SETDB1: variants seen among roughly 807,000 people sequenced by gnomAD.
SETDB1 encodes the protein SET domain bifurcated histone lysine methyltransferase 1, also known as histone-lysine N-methyltransferase SETDB1.
A neutral mutation model predicts 137.4 loss-of-function variants in SETDB1; 31 were observed. That is an observed-to-expected ratio of 0.23 (90% CI 0.17 to 0.30). The LOEUF (loss-of-function observed/expected upper bound fraction) is 0.30, where lower values mean the gene tolerates loss of function less well. SETDB1 is among the 10% of genes least tolerant of loss of function. The probability of loss-of-function intolerance (pLI) is 1.00; values close to 1 mark genes in which losing one functional copy is unlikely to be tolerated. For missense variants in SETDB1, 1,113 were observed against 1,631.5 expected, an observed-to-expected ratio of 0.68 and a Z score of 5.47; for synonymous variants, 548 against 579.9, an observed-to-expected ratio of 0.95 and a Z score of 0.79.
chr1:150,949,330 C>T (rs994146167), intron 11 of SETDB1, 37 bp from the exon 12 acceptor site: 3 of 1,612,890 alleles, frequency 1.9e-6, no homozygotes, highest in Admixed American at 1.7e-5. Flanking sequence ...ATATTTTCCA[C>T]ATCCCTTACT....
At chr1:150,961,370 T>G in intron 16 of SETDB1, 179 bp downstream of exon 16, 1 of 661,040 alleles carries the variant, frequency 1.5e-6, no homozygotes, top group South Asian at 1.9e-5. Context: ...ACCAAATTAT[T>G]GACCGGGCAC....
Position 150,929,961 on chromosome 1 carries a change from T to A in SETDB1, c.261-6T>A, listed in dbSNP as rs1669673377. Reference sequence around the variant, plus strand: ...TTGACCTTTTCTGCATGTGTTCCAATATTAGGGCAGTGACTAATTGTGAGT... The same window carrying A: ...TTGACCTTTTCTGCATGTGTTCCAAAATTAGGGCAGTGACTAATTGTGAGT... On this transcript the variant is annotated splice_region_variant and splice_polypyrimidine_tract_variant and intron_variant, in intron 2 of 21. Transcript: ENST00000692827. 6.2e-7 allele frequency: 1 copy of A among 1,612,234 alleles called. No homozygotes were observed. The highest frequency in any genetic ancestry group is 1.7e-5 in the Admixed American group (1 of 59,504).
In SETDB1 at chr1:150,939,931, C is replaced by T. The variant is rs193278801; in HGVS notation, c.413-9C>T. ...CTCTGACACTCATTAGAGTTCTTCT[C>T]GTCCATAGGTGATGCTGGGAGCAGA... On this transcript the variant is annotated splice_polypyrimidine_tract_variant and intron_variant, in intron 3 of 21. Coordinates refer to ENST00000692827, the MANE Select transcript of SETDB1 (RefSeq NM_001366418.1). 7.7e-4 allele frequency: 1,234 copies of T among 1,609,220 alleles called. No individual in the cohort carries two copies. The highest frequency in any genetic ancestry group is 9.7e-4 in the Non-Finnish European group (1,137 of 1,176,646).
chr1:150,940,196 AGT>A (rs749822410), intron 4 of SETDB1, among the ~76,000 whole-genome samples: 5 of 152,186 alleles, frequency 3.3e-5, no homozygotes, highest in Non-Finnish European at 4.4e-5. Flanking sequence ...GGAATTTAGC[AGT>A]GTTTGCTAGG....
intron 3 of SETDB1, among the ~76,000 whole-genome samples, chr1:150,933,932 C>T (rs587653696): frequency 2.6e-5 from 4 of 151,356 alleles, no homozygotes; most frequent in Admixed American, 6.6e-5. Context: ...TACAGGCATG[C>T]ACCACCATGC....
chr1:150,954,223 A>G (rs1670580167), intron 14 of SETDB1, among the ~76,000 whole-genome samples: 1 of 152,144 alleles, frequency 6.6e-6, no homozygotes, highest in Admixed American at 6.5e-5. Flanking sequence ...CTTGAGAGGC[A>G]GAGGCAGAAA....
At position 150,939,954 on chromosome 1, in the gene SETDB1, A is replaced by C. The variant is rs200945323; in HGVS notation, c.427A>C (p.Arg143=). The C allele has an allele frequency of 2.7e-5, 43 of 1,612,940 alleles. No individual in the cohort carries two copies. Among genetic ancestry groups the C allele is most frequent in the Admixed American group, 1.8e-4 (11 of 59,952 alleles). ...LSIDSGDAGS[R]TPKDQKLREA... Reference sequence around the variant, plus strand: ...CTCGTCCATAGGTGATGCTGGGAGCAGAACTCCAAAAGACCAGAAGGTAAG... The same window carrying C: ...CTCGTCCATAGGTGATGCTGGGAGCCGAACTCCAAAAGACCAGAAGGTAAG... The change falls in exon 4 of 22, where the codon AGA becomes CGA. Residue 143 remains arginine, a synonymous_variant. Coordinates refer to ENST00000692827, the MANE Select transcript of SETDB1 (RefSeq NM_001366418.1).
chr1:150,927,596 A>T, intron 1 of SETDB1, 108 bp from the exon 2 acceptor site: 1 of 957,704 alleles, frequency 1.0e-6, no homozygotes, highest in Non-Finnish European at 1.6e-6. Flanking sequence ...ATTTGAATAG[A>T]ATAACAGGCA....
chr1:150,945,299 A>G, intron 9 of SETDB1, 191 bp downstream of exon 9: 2 of 1,441,792 alleles, frequency 1.4e-6, no homozygotes, highest in Non-Finnish European at 1.8e-6. Context: ...TTGAAAATAA[A>G]TTATCTGAAT....
Position 150,963,733 on chromosome 1 carries a change from T to C in SETDB1, c.3664T>C (p.Tyr1222His). ...CAAGCTTGAAGGCAACCTGGGCCGC[T>C]ACCTCAACGTGAGACCCCTCTCCCC... ...DAKLEGNLGR[Y>H]LNHSCSPNLF... Residue 1222 changes from tyrosine to histidine, a missense_variant, in exon 20 of 22, where the codon TAC (tyrosine) becomes CAC (histidine). Around this residue, in one of 11 missense-constraint regions of SETDB1, gnomAD observed 37 missense variants for 123.2 expected, o/e 0.30. Transcript: ENST00000692827. 1 of 1,614,052 alleles carries C rather than the reference T, an allele frequency of 6.2e-7. No individual in the cohort carries two copies. The highest frequency in any genetic ancestry group is 8.5e-7 in the Non-Finnish European group (1 of 1,179,908).
chr1:150,944,785 T>G lies in SETDB1; in HGVS notation c.950-133T>G, dbSNP rs77638958. On this transcript the variant is annotated intron_variant, in intron 8 of 21. Coordinates refer to ENST00000692827, the MANE Select transcript of SETDB1 (RefSeq NM_001366418.1). Reference sequence around the variant, plus strand: ...ATTACTTAGGTGGTCTTGGCTTTGCTTCCCTTGAGGTTCTGATTTTACTTT... The same window carrying G: ...ATTACTTAGGTGGTCTTGGCTTTGCGTCCCTTGAGGTTCTGATTTTACTTT... 1.2e-4 allele frequency: 113 copies of G among 938,316 alleles called. No individual in the cohort carries two copies. In the East Asian group the frequency reaches 3.0e-3, roughly 25 times the overall value. The allele number at this position is 938,316 out of a possible 1,614,324, so 58.1% of individuals were successfully genotyped here. A position where few individuals can be genotyped will look rare whatever the true frequency, so the allele number is the denominator to read the frequency against.
At position 150,961,064 on chromosome 1, in the gene SETDB1, A is replaced by G; in HGVS notation, c.3005A>G (p.His1002Arg). ...GGTGGTTTTGCTGACTCTGATAGCC[A>G]TTCATCCTTCAAGACTAATGAAGGT... ...SEGGFADSDSHSSFKTNEGGE... is the reference protein window; with the variant it reads ...SEGGFADSDSRSSFKTNEGGE... The change falls in exon 16 of 22, where the codon CAT (histidine) becomes CGT (arginine). Residue 1002 changes from histidine to arginine, a missense_variant. Transcript: ENST00000692827. The G allele has an allele frequency of 6.6e-7, 1 of 1,522,168 alleles. No individual in the cohort carries two copies. Among genetic ancestry groups the G allele is most frequent in the South Asian group, 1.1e-5 (1 of 89,788 alleles). The allele number at this position is 1,522,168 out of a possible 1,614,324, so 94.3% of individuals were successfully genotyped here.
At chr1:150,962,264 G>A in intron 17 of SETDB1, 106 bp downstream of exon 17, 1 of 1,010,542 alleles carries the variant, frequency 9.9e-7, no homozygotes, top group Non-Finnish European at 1.6e-6. Context: ...CCCCTCCCAG[G>A]CTCAAGAGAT....
intron 3 of SETDB1, among the ~76,000 whole-genome samples, chr1:150,936,584 A>G (rs1669951117): frequency 6.6e-6 from 1 of 152,188 alleles, no homozygotes; most frequent in Non-Finnish European, 1.5e-5. Flanking sequence ...CACTACTGCA[A>G]ATATTCTTGT....
rs2102759260 is a variant in SETDB1, at chr1:150,963,876, A to C, written c.3673-119A>C. 1 of 1,285,262 alleles carries C rather than the reference A, an allele frequency of 7.8e-7. No individual in the cohort carries two copies. Among genetic ancestry groups the C allele is most frequent in the East Asian group, 2.3e-5 (1 of 43,042 alleles). The allele number at this position is 1,285,262 out of a possible 1,614,324, so 79.6% of individuals were successfully genotyped here. On this transcript the variant is annotated intron_variant, in intron 20 of 21. Transcript: ENST00000692827. The stretch of plus-strand genomic sequence containing the variant: ...ATCTTAAAGAGGTAGCTTTCTTTCA[A>C]AGCATCTATTATAATGGGGAGGGTC...
At chr1:150,962,491 T>C in intron 17 of SETDB1, 96 bp from the exon 18 acceptor site, 1 of 1,256,564 alleles carries the variant, frequency 8.0e-7, no homozygotes, top group Non-Finnish European at 1.2e-6. Context: ...GCCTGTCTTT[T>C]TGACCTGTCT....
intron 3 of SETDB1, among the ~76,000 whole-genome samples, chr1:150,934,600 T>C (rs1464865011): frequency 6.6e-6 from 1 of 152,198 alleles, no homozygotes; most frequent in Admixed American, 6.6e-5. Flanking sequence ...GTGTTATAAT[T>C]ACTGCTTTAA....
intron 14 of SETDB1, among the ~76,000 whole-genome samples, chr1:150,954,819 A>G (rs1311105722): frequency 6.6e-6 from 1 of 150,814 alleles, no homozygotes; most frequent in African/African-American, 2.4e-5. Flanking sequence ...GCAGTACCTC[A>G]GAGTTTTTCA....
intron 14 of SETDB1, among the ~76,000 whole-genome samples, chr1:150,954,293 A>C (rs1037387416): frequency 6.6e-6 from 1 of 152,152 alleles, no homozygotes; most frequent in African/African-American, 2.4e-5. Flanking sequence ...ACTACACTCT[A>C]GCCTGGGGTG....
Sources: gnomAD v4.1 joint callset for allele counts (sites outside exome capture counted in the v4.1 genomes callset) on GRCh38, gnomAD v4.1.1 for gene constraint, gnomAD v4.1.1 regional missense constraint, MANE v1.5 for transcripts, NCBI Gene and HGNC (gene_info 2026-07-23, HGNC 2026-07-21) for gene names.